CALCR: variants seen among roughly 807,000 people sequenced by gnomAD.
CALCR encodes the protein calcitonin receptor.
CALCR carries 47 observed loss-of-function variants against 59.5 expected under a neutral mutation model. The observed-to-expected ratio is 0.79, with a 90% CI of 0.63 to 1.01. The LOEUF (loss-of-function observed/expected upper bound fraction) is 1.01. Ranked by LOEUF, CALCR falls within the 50% of genes least tolerant of loss-of-function variation. The pLI is 0.00. For missense variants in CALCR, 566 were observed against 597.1 expected, an observed-to-expected ratio of 0.95 and a Z score of 0.54; for synonymous variants, 213 against 211.3, an observed-to-expected ratio of 1.01 and a Z score of -0.07.
chr7:93,520,933 A>G (rs973564848), intron 2 of CALCR, among the ~76,000 whole-genome samples: 20 of 152,214 alleles, frequency 1.3e-4, no homozygotes, highest in African/African-American at 4.8e-4. Flanking sequence ...AAATACATGC[A>G]ATTCGAGAAA....
At chr7:93,442,570 CA>C (rs1271580114) in intron 9 of CALCR, among the ~76,000 whole-genome samples, 1 of 152,164 alleles carries the variant, frequency 6.6e-6, no homozygotes, top group African/African-American at 2.4e-5. Context: ...GCTTTAAATA[CA>C]AAAGGTGATG....
chr7:93,450,665 C>T (rs1436441378), intron 8 of CALCR, among the ~76,000 whole-genome samples: 3 of 151,972 alleles, frequency 2.0e-5, no homozygotes, highest in East Asian at 1.9e-4. Context: ...AAAGTCTCAT[C>T]TTCTTTCTAG....
intron 2 of CALCR, among the ~76,000 whole-genome samples, chr7:93,497,403 G>A (rs1050074207): frequency 4.0e-5 from 6 of 151,516 alleles, no homozygotes; most frequent in African/African-American, 1.2e-4. Flanking sequence ...TACCATGCTA[G>A]ATTCTTACAT....
chr7:93,465,456 C>A (rs965311712), intron 7 of CALCR, among the ~76,000 whole-genome samples: 5 of 151,738 alleles, frequency 3.3e-5, no homozygotes, highest in Admixed American at 2.6e-4. Context: ...AATATCATTC[C>A]AATTTTTTCT....
At chr7:93,533,908 T>C (rs1221376969) in intron 2 of CALCR, among the ~76,000 whole-genome samples, 5 of 151,956 alleles carry the variant, frequency 3.3e-5, no homozygotes, top group African/African-American at 9.6e-5. Flanking sequence ...TTTACCTTCA[T>C]AATGTTTAGC....
intron 2 of CALCR, among the ~76,000 whole-genome samples, chr7:93,541,522 T>C (rs1324881878): frequency 6.6e-6 from 1 of 152,164 alleles, no homozygotes; most frequent in East Asian, 1.9e-4. Context: ...TGGGAGAAGA[T>C]ACATTCACTT....
chr7:93,465,102 A>G (rs1800413393), intron 7 of CALCR, among the ~76,000 whole-genome samples: 2 of 151,992 alleles, frequency 1.3e-5, no homozygotes, highest in Admixed American at 1.3e-4. Flanking sequence ...TAAAATACCA[A>G]TCAGAAAGAC....
intron 7 of CALCR, among the ~76,000 whole-genome samples, chr7:93,466,449 T>C (rs1023472297): frequency 6.6e-6 from 1 of 151,932 alleles, no homozygotes; most frequent in Non-Finnish European, 1.5e-5. Flanking sequence ...AGATGCCCTT[T>C]ATATTTTTAG....
chr7:93,553,450 A>G (rs141558835), intron 2 of CALCR, among the ~76,000 whole-genome samples: 4 of 152,056 alleles, frequency 2.6e-5, no homozygotes, highest in East Asian at 1.9e-4. Context: ...TACAAAATGC[A>G]TGCCATAGAA....
chr7:93,556,675 A>AT (rs1327019420), intron 2 of CALCR, among the ~76,000 whole-genome samples: 28 of 150,784 alleles, frequency 1.9e-4, no homozygotes, highest in African/African-American at 5.7e-4. Flanking sequence ...CTATATATAT[A>AT]TATTTTTTCC....
In CALCR at chr7:93,460,945, C is replaced by T. The variant is rs143764918; in HGVS notation, c.524G>A (p.Ser175Asn). 519 of 1,606,914 alleles carry T rather than the reference C, an allele frequency of 3.2e-4. 1 individual carries two copies. Among genetic ancestry groups the T allele is most frequent in the Non-Finnish European group, 2.9e-4 (343 of 1,177,484 alleles). Residue 175 changes from serine to asparagine, a missense_variant and splice_region_variant, in exon 8 of 14, where the codon AGC becomes AAC. Coordinates refer to ENST00000426151, the MANE Select transcript of CALCR (RefSeq NM_001742.4). ...CAGGGTTACCCTTTGGCAGCCAAGGCTCCTGGAAGAAAAAGTAACATAAAG... is the reference window on the plus strand; with the variant it reads ...CAGGGTTACCCTTTGGCAGCCAAGGTTCCTGGAAGAAAAAGTAACATAAAG... Reference protein sequence around the residue: ...ISLGIFVFFRSLGCQRVTLHK... With the variant: ...ISLGIFVFFRNLGCQRVTLHK...
In CALCR at chr7:93,545,048, G is replaced by A. The variant is rs976869115; in HGVS notation, c.-27+29241C>T. Reference sequence around the variant, plus strand: ...ATGGTACTACTGCTTGGACTTTTTCGTTAGGCTGCTTCATGGATAAGGTTG... The same window carrying A: ...ATGGTACTACTGCTTGGACTTTTTCATTAGGCTGCTTCATGGATAAGGTTG... On this transcript the variant is annotated intron_variant, in intron 2 of 13. Transcript: ENST00000426151. Among the ~76,000 whole-genome samples the A allele has an allele frequency of 3.3e-5, 5 of 151,962 alleles. No individual in the cohort carries two copies. The East Asian group carries it at 9.7e-4, about 29-fold the overall frequency.
chr7:93,564,820 G>A (rs1056850620), intron 2 of CALCR, among the ~76,000 whole-genome samples: 22 of 151,948 alleles, frequency 1.4e-4, no homozygotes, highest in South Asian at 4.1e-4. Context: ...GAAAGCAGGC[G>A]TTGTAGGAAT....
At chr7:93,449,473 T>G (rs1202913272) in intron 8 of CALCR, among the ~76,000 whole-genome samples, 1 of 152,066 alleles carries the variant, frequency 6.6e-6, no homozygotes, top group African/African-American at 2.4e-5. Flanking sequence ...AATATGTTTC[T>G]ACCTGATTCA....
chr7:93,515,770 GA>G (rs1450390140), intron 2 of CALCR, among the ~76,000 whole-genome samples: 2 of 151,882 alleles, frequency 1.3e-5, no homozygotes, highest in African/African-American at 4.8e-5. Context: ...AAGCTGAGTA[GA>G]AAAATATGGA....
At chr7:93,442,668 C>T (rs1417037908) in intron 9 of CALCR, among the ~76,000 whole-genome samples, 1 of 152,142 alleles carries the variant, frequency 6.6e-6, no homozygotes, top group Admixed American at 6.6e-5. Flanking sequence ...CAGCCTGCTG[C>T]ATTAAAGGGC....
At chr7:93,465,409 T>C (rs1800419230) in intron 7 of CALCR, among the ~76,000 whole-genome samples, 1 of 151,976 alleles carries the variant, frequency 6.6e-6, no homozygotes, top group African/African-American at 2.4e-5. Flanking sequence ...GAAATCTTGC[T>C]GAACTAATTT....
At chr7:93,438,157 C>G (rs763829851) in intron 10 of CALCR, 31 bp from the exon 11 acceptor site, 21 of 1,612,724 alleles carry the variant, frequency 1.3e-5, no homozygotes, top group Non-Finnish European at 1.5e-5. Context: ...AATTAATACA[C>G]AAATACATTT....
At chr7:93,480,590 A>G (rs1800774449) in intron 3 of CALCR, among the ~76,000 whole-genome samples, 1 of 151,848 alleles carries the variant, frequency 6.6e-6, no homozygotes. Flanking sequence ...TATTAAGTTG[A>G]CATGTATATT....
Sources: allele counts gnomAD v4.1 joint callset (sites outside exome capture counted in the v4.1 genomes callset), GRCh38; gene constraint gnomAD v4.1.1; transcripts MANE v1.5; gene names NCBI Gene and HGNC (gene_info 2026-07-23, HGNC 2026-07-21).